The following PNCK variants were observed in gnomAD, a reference collection of about 807,000 sequenced individuals.
PNCK encodes calcium/calmodulin-dependent protein kinase type 1B.
Under a neutral mutation model 28.3 loss-of-function variants are expected in PNCK, and 21 were observed. The observed-to-expected ratio is 0.74, with a 90% CI of 0.53 to 1.07. The LOEUF (loss-of-function observed/expected upper bound fraction) is 1.07, where lower values mean the gene tolerates loss of function less well. Among genes scored for constraint, PNCK ranks in the 50% least tolerant of loss-of-function variants. The pLI is 0.00. For synonymous variants in PNCK, 136 were observed against 125.2 expected (o/e 1.09, Z -0.58); for missense variants, 250 against 298.3 (o/e 0.84, Z 1.19).
rs1557039462 is a variant in PNCK at position 153,670,809 on chromosome X, C to T, written c.829G>A (p.Asp277Asn). The T allele has an allele frequency of 8.3e-7, 1 of 1,211,539 alleles. No homozygotes were observed. The highest frequency in any genetic ancestry group is 1.8e-5 in the South Asian group (1 of 56,953). Reference sequence around the variant, plus strand: ...CTGACAGAGCCTAAGATGTCCCTGTCGAAGGCTGTGTCCCCAGAGATCCTG... The same window carrying T: ...CTGACAGAGCCTAAGATGTCCCTGTTGAAGGCTGTGTCCCCAGAGATCCTG... ...HLWISGDTAF[D>N]RDILGSVSEQ... Residue 277 changes from aspartate to asparagine, a missense_variant, in exon 10 of 12, where the codon GAC becomes AAC. Asp to Asn is a conservative substitution (Grantham distance 23, BLOSUM62 1). Transcript: ENST00000340888.
At chrX:153,671,492 G>A (rs782096324) in intron 6 of PNCK, 57 bp downstream of exon 6, 1 of 1,210,895 alleles carries the variant, frequency 8.3e-7, no homozygotes, top group Admixed American at 2.2e-5. Flanking sequence ...CTTCCCGGCT[G>A]TCTAGGGTCC....
chrX:153,685,773 A>T (rs1557043075), intron 1 of PNCK, among the ~76,000 whole-genome samples: 1 of 113,391 alleles, frequency 8.8e-6, no homozygotes, highest in Non-Finnish European at 1.9e-5. Flanking sequence ...TTTGTGCTTC[A>T]GGAGGGTCCC....
In PNCK at chrX:153,671,323, G is replaced by A. The variant is rs61749052; in HGVS notation, c.576C>T (p.Ala192=). The A allele has an allele frequency of 4.0e-5, 49 of 1,209,881 alleles. No individual in the cohort carries two copies. In the African/African-American group the frequency reaches 5.2e-4, roughly 13 times the overall value. ...ELLEQKPYGK[A]VDVWALGVIS... is the part of the protein sequence containing the mutation. ...TGACGCCCAGGGCCCACACATCTAC[G>A]GCCTTCCCGTAGGGTTTCTGCTCCA... Residue 192 remains alanine (A), a synonymous_variant, in exon 7 of 12, where the codon GCC becomes GCT. Transcript: ENST00000340888.
Position 153,670,960 on chromosome X carries a change from G to A in PNCK, c.764C>T (p.Pro255Leu). The A allele has an allele frequency of 8.3e-7, 1 of 1,212,076 alleles. No homozygotes were observed. The highest frequency in any genetic ancestry group is 1.1e-6 in the Non-Finnish European group (1 of 895,541). The change falls in exon 9 of 12, where the codon CCC becomes CTC. Residue 255 changes from proline to leucine, a missense_variant. Transcript: ENST00000340888. The stretch of plus-strand genomic sequence containing the variant: ...CTGTTGGCAGGTGAACCTCTTCTGG[G>A]GGTCTCGCTCCAGAAGGTGCCGGAT... ...DFIRHLLERD[P>L]QKRFTCQQAL...
At chrX:153,675,679 C>A (rs1406643603), upstream of PNCK, among the ~76,000 whole-genome samples, 1 of 110,967 alleles carries the variant, frequency 9.0e-6, no homozygotes, top group Non-Finnish European at 1.9e-5. Flanking sequence ...GTGCATGCCA[C>A]CACACCAAGC....
upstream of PNCK, among the ~76,000 whole-genome samples, chrX:153,677,663 A>G (rs12385048): frequency 1.3e-3 from 121 of 96,772 alleles, 3 homozygotes; most frequent in East Asian, 1.2e-3. Flanking sequence ...TATAGTGTGT[A>G]TATATATATA....
chrX:153,684,119 T>A (rs782484878), intron 1 of PNCK, among the ~76,000 whole-genome samples: 6 of 111,688 alleles, frequency 5.4e-5, no homozygotes, highest in Non-Finnish European at 1.1e-4. Flanking sequence ...TAAACGAAAT[T>A]TCTCCCAAAG....
intron 1 of PNCK, among the ~76,000 whole-genome samples, chrX:153,681,651 G>A (rs2091396058): frequency 8.9e-6 from 1 of 111,766 alleles, no homozygotes; most frequent in Admixed American, 9.5e-5. Flanking sequence ...GGACATTAGG[G>A]AAAAGCCAAG....
chrX:153,680,874 C>T (rs782275690), intron 1 of PNCK, among the ~76,000 whole-genome samples: 57 of 108,604 alleles, frequency 5.2e-4, no homozygotes, highest in African/African-American at 1.9e-3. Flanking sequence ...CCAAAAAATA[C>T]AAAAATTAGC....
chrX:153,676,876 A>AAAAG (rs1202995825), upstream of PNCK, among the ~76,000 whole-genome samples: 6 of 110,596 alleles, frequency 5.4e-5, no homozygotes, highest in Admixed American at 9.6e-5. Context: ...AAAAAAAAAA[A>AAAAG]AAAGAAAGAA....
At chrX:153,670,292 A>C in intron 11 of PNCK, among the ~76,000 whole-genome samples, 158 bp downstream of exon 11, 1 of 108,199 alleles carries the variant, frequency 9.2e-6, no homozygotes, top group Admixed American at 9.5e-5. Flanking sequence ...CTGTCCTTCC[A>C]CCTCTCCTGG....
rs781931619 is a variant in PNCK, at chrX:153,673,240, C to A, written c.-2-162G>T. On this transcript the variant is annotated intron_variant, in intron 1 of 11. Coordinates refer to ENST00000340888, the MANE Select transcript of PNCK (RefSeq NM_001366977.1). ...TCCACACCCCCAGACGGACGCCTCCCAGCGAGGCCACCGCATACACGCCTC... is the reference window on the plus strand; with the variant it reads ...TCCACACCCCCAGACGGACGCCTCCAAGCGAGGCCACCGCATACACGCCTC... 3.3e-6 allele frequency: 4 copies of A among 1,196,423 alleles called. No individual in the cohort carries two copies. The East Asian group carries it at 1.2e-4, about 36-fold the overall frequency.
At chrX:153,678,636 C>T (rs1400176303), upstream of PNCK, among the ~76,000 whole-genome samples, 2 of 111,114 alleles carry the variant, frequency 1.8e-5, no homozygotes, top group Non-Finnish European at 3.8e-5. Flanking sequence ...TCCTTTTGCT[C>T]TTAGTCTGAC....
chrX:153,684,878 C>G (rs2091411356), intron 1 of PNCK, among the ~76,000 whole-genome samples: 1 of 91,358 alleles, frequency 1.1e-5, no homozygotes, highest in Non-Finnish European at 2.2e-5. Context: ...AGCTCCTACT[C>G]CAACCCCCCA....
intron 1 of PNCK, among the ~76,000 whole-genome samples, chrX:153,684,812 C>T (rs1351095485): frequency 1.2e-5 from 1 of 81,132 alleles, no homozygotes; most frequent in Non-Finnish European, 2.4e-5. Context: ...TTCCGGCTAG[C>T]CCCCCTCCCC....
chrX:153,683,843 G>C (rs2091405646), intron 1 of PNCK, among the ~76,000 whole-genome samples: 1 of 111,877 alleles, frequency 8.9e-6, no homozygotes, highest in Non-Finnish European at 1.9e-5. Flanking sequence ...GGTCTATGTG[G>C]TCCGGGTGGA....
chrX:153,672,966 CA>C (rs782070104), intron 2 of PNCK, 42 bp downstream of exon 2: 1 of 1,136,765 alleles, frequency 8.8e-7, no homozygotes, highest in Non-Finnish European at 1.2e-6. Flanking sequence ...CACACACACA[CA>C]CACACACACA....
At chrX:153,683,179 C>T (rs782148739) in intron 1 of PNCK, among the ~76,000 whole-genome samples, 2 of 112,131 alleles carry the variant, frequency 1.8e-5, no homozygotes, top group South Asian at 3.7e-4. Flanking sequence ...CTCGCTCTGT[C>T]GCCCAGGCTG....
chrX:153,685,985 GT>G (rs1557043105), intron 1 of PNCK, among the ~76,000 whole-genome samples: 2 of 112,213 alleles, frequency 1.8e-5, no homozygotes, highest in African/African-American at 6.5e-5. Context: ...GAAGAGCCCA[GT>G]TCCAGGAGGT....
Sources: allele counts gnomAD v4.1 joint callset (sites outside exome capture counted in the v4.1 genomes callset), GRCh38; gene constraint gnomAD v4.1.1; transcripts MANE v1.5; gene names NCBI Gene and HGNC (gene_info 2026-07-23, HGNC 2026-07-21).